Variants in SOAT1 observed in about 807,000 individuals in gnomAD.
SOAT1 encodes the protein acyl-coenzyme A:cholesterol acyltransferase 1.
A neutral mutation model predicts 69.5 loss-of-function variants in SOAT1; 55 were observed. That is an observed-to-expected ratio of 0.79 (90% CI 0.64 to 0.99). SOAT1 has a LOEUF of 0.99. Ranked by LOEUF, SOAT1 falls within the 50% of genes least tolerant of loss-of-function variation. The pLI, the probability that SOAT1 is intolerant of heterozygous loss-of-function variation, is 0.00. For synonymous variants in SOAT1, 231 were observed against 224.7 expected (o/e 1.03, Z -0.25); for missense variants, 580 against 669.3 (o/e 0.87, Z 1.47).
At chr1:179,301,755 A>G (rs899471515) in intron 1 of SOAT1, among the ~76,000 whole-genome samples, 2 of 152,208 alleles carry the variant, frequency 1.3e-5, no homozygotes, top group African/African-American at 2.4e-5. Context: ...TAGATACTTA[A>G]CAAAAACTTG....
chr1:179,310,130 C>T lies in SOAT1; in HGVS notation c.118+7328C>T, dbSNP rs965907839. On this transcript the variant is annotated intron_variant, in intron 2 of 15. Coordinates refer to ENST00000367619, the MANE Select transcript of SOAT1 (RefSeq NM_003101.6). ...AGCCAGGCTGGTCTCGAACTGCTGA[C>T]CTCAAGTGATCCACCCACCTCAGCC... Among the ~76,000 whole-genome samples the T allele has an allele frequency of 2.1e-4, 32 of 152,032 alleles. 1 individual carries two copies. Among genetic ancestry groups the T allele is most frequent in the Non-Finnish European group, 4.3e-4 (29 of 67,990 alleles).
At chr1:179,341,437 G>GTT in intron 7 of SOAT1, 127 bp downstream of exon 7, 1 of 936,396 alleles carries the variant, frequency 1.1e-6, no homozygotes, top group Non-Finnish European at 1.6e-6. Context: ...TTGTTCTTTT[G>GTT]CCATTATCTG....
intron 1 of SOAT1, among the ~76,000 whole-genome samples, chr1:179,297,382 G>A (rs1235134492): frequency 1.3e-5 from 2 of 152,056 alleles, no homozygotes; most frequent in Non-Finnish European, 2.9e-5. Flanking sequence ...TGTCACCCAG[G>A]CTGGAGTGCA....
At chr1:179,343,919 A>C (rs1410625324) in intron 10 of SOAT1, among the ~76,000 whole-genome samples, 1 of 152,122 alleles carries the variant, frequency 6.6e-6, no homozygotes, top group Non-Finnish European at 1.5e-5. Flanking sequence ...TCAGGAGTTC[A>C]AGACCAGCCT....
At chr1:179,346,840 TG>T (rs1666549066) in intron 11 of SOAT1, among the ~76,000 whole-genome samples, 1 of 151,966 alleles carries the variant, frequency 6.6e-6, no homozygotes, top group South Asian at 2.1e-4. Flanking sequence ...GAGGCTGAGG[TG>T]GGAGGATCAC....
At chr1:179,321,829 A>G (rs996651287) in intron 2 of SOAT1, among the ~76,000 whole-genome samples, 1 of 150,490 alleles carries the variant, frequency 6.6e-6, no homozygotes, top group Non-Finnish European at 1.5e-5. Context: ...TTTGTTTTCA[A>G]ATCTGTTTGG....
At position 179,348,239 on chromosome 1, in the gene SOAT1, T is replaced by C. The variant is rs1185954297; in HGVS notation, c.1215+542T>C. Among the ~76,000 whole-genome samples, 3 of 152,230 alleles carry C rather than the reference T, an allele frequency of 2.0e-5. No homozygotes were observed. In the East Asian group the frequency reaches 5.8e-4, roughly 29 times the overall value. On this transcript the variant is annotated intron_variant, in intron 12 of 15. Transcript: ENST00000367619. ...CTTTAACCCTACCTAAAGCTCTCTT[T>C]GAGTTGTTTTTGGCAACACTCCAAG...
Position 179,350,278 on chromosome 1 carries a change from GTTTTCC to G in SOAT1, c.1315-13_1315-8del, listed in dbSNP as rs747389041. On this transcript the variant is annotated splice_polypyrimidine_tract_variant and intron_variant, in intron 13 of 15. Coordinates refer to ENST00000367619, the MANE Select transcript of SOAT1 (RefSeq NM_003101.6). ...AAATTTTTAAAAATTACTTTGTAGT[GTTTTCC>G]TTTTTCTTTAGTTTTTCTCCAAGAG... The G allele has an allele frequency of 2.5e-6, 4 of 1,607,248 alleles. No homozygotes were observed. The highest frequency in any genetic ancestry group is 3.4e-6 in the Non-Finnish European group (4 of 1,177,398).
At chr1:179,310,533 A>G (rs1558039780) in intron 2 of SOAT1, among the ~76,000 whole-genome samples, 2 of 152,202 alleles carry the variant, frequency 1.3e-5, no homozygotes, top group African/African-American at 2.4e-5. Context: ...CAGTGGAGCA[A>G]TAGACGATTA....
At chr1:179,298,866 A>C (rs1664738988) in intron 1 of SOAT1, among the ~76,000 whole-genome samples, 1 of 152,222 alleles carries the variant, frequency 6.6e-6, no homozygotes, top group Non-Finnish European at 1.5e-5. Context: ...TAAAGTTGAA[A>C]AATTTTAAAT....
At chr1:179,301,930 T>C (rs1210572468) in intron 1 of SOAT1, among the ~76,000 whole-genome samples, 1 of 152,214 alleles carries the variant, frequency 6.6e-6, no homozygotes, top group Non-Finnish European at 1.5e-5. Flanking sequence ...ATCTCTGCTG[T>C]CTCTGAACTT....
chr1:179,346,497 G>A (rs969907693), intron 11 of SOAT1, among the ~76,000 whole-genome samples: 1 of 152,188 alleles, frequency 6.6e-6, no homozygotes, highest in Non-Finnish European at 1.5e-5. Flanking sequence ...GAGAATTGGT[G>A]GAAAGGTCAT....
At chr1:179,341,835 A>G (rs1186407258) in intron 7 of SOAT1, among the ~76,000 whole-genome samples, 4 of 152,164 alleles carry the variant, frequency 2.6e-5, no homozygotes, top group African/African-American at 7.2e-5. Context: ...GCCCGGCCAC[A>G]TTGAATTATT....
At position 179,357,823 on chromosome 1, in the gene SOAT1, G is replaced by C. The variant is rs1307009775; in HGVS notation, c.*4182G>C. ...GTGGGAAGATGGCTTCAAGCCGGGA[G>C]ATGGAGGCTTCAGTGACCTGTGACC... On this transcript the variant is annotated 3_prime_UTR_variant, in exon 16 of 16. Transcript: ENST00000367619. 2 of 152,262 alleles carry C rather than the reference G, an allele frequency of 1.3e-5. No homozygotes were observed. The highest frequency in any genetic ancestry group is 4.8e-5 in the African/African-American group (2 of 41,460). The allele number at this position is 152,262 out of a possible 1,614,324, so 9.4% of individuals were successfully genotyped here. A position where few individuals can be genotyped will look rare whatever the true frequency, so the allele number is the denominator to read the frequency against.
In SOAT1 at chr1:179,341,054, C is replaced by G; in HGVS notation, c.524C>G (p.Ser175Cys). The G allele has an allele frequency of 6.2e-7, 1 of 1,614,120 alleles. No homozygotes were observed. The change falls in exon 7 of 16, where the codon TCT becomes TGT. Residue 175 changes from serine (S) to cysteine (C), a missense_variant. Physicochemically the swap from Ser to Cys is moderately radical, Grantham distance 112. Transcript: ENST00000367619. Reference sequence around the variant, plus strand: ...CTGGTGCTTGAGTTCAGCCTCCTGTCTTATGCTTTTGGCAAATTTCCTACC... The same window carrying G: ...CTGGTGCTTGAGTTCAGCCTCCTGTGTTATGCTTTTGGCAAATTTCCTACC... ...GRLVLEFSLL[S>C]YAFGKFPTVV...
chr1:179,335,015 C>CAAAAA (rs10603546), intron 3 of SOAT1, among the ~76,000 whole-genome samples: 7 of 73,518 alleles, frequency 9.5e-5, no homozygotes, highest in Admixed American at 1.5e-4. Context: ...AACTCCATCT[C>CAAAAA]AAAAAAAAAA....
At chr1:179,312,459 TGA>T (rs1210672246) in intron 2 of SOAT1, among the ~76,000 whole-genome samples, 4 of 152,260 alleles carry the variant, frequency 2.6e-5, no homozygotes, top group Admixed American at 2.6e-4. Context: ...TCTTTAGCGA[TGA>T]AACCTTCGCT....
At position 179,335,615 on chromosome 1, in the gene SOAT1, C is replaced by A. The variant is rs1666119871; in HGVS notation, c.287C>A (p.Thr96Asn). 6.2e-7 allele frequency: 1 copy of A among 1,613,866 alleles called. No homozygotes were observed. Among genetic ancestry groups the A allele is most frequent in the South Asian group, 1.1e-5 (1 of 91,020 alleles). ...GATAATGGTGGGTGCGCTCTCACAA[C>A]CTTTTCTGTTCTTGAAGGAGAGAAA... ...SLDNGGCALT[T>N]FSVLEGEKNN... The change falls in exon 4 of 16, where the codon ACC becomes AAC. Residue 96 changes from threonine to asparagine, a missense_variant. By Grantham distance (65) the Thr-to-Asn change is moderately conservative. Transcript: ENST00000367619.
At chr1:179,319,304 G>A (rs1665512028) in intron 2 of SOAT1, among the ~76,000 whole-genome samples, 1 of 137,916 alleles carries the variant, frequency 7.3e-6, no homozygotes. Flanking sequence ...GAGTCTCGCT[G>A]TGTCACCCAG....
Sources: gnomAD v4.1 joint callset for allele counts (sites outside exome capture counted in the v4.1 genomes callset) on GRCh38, gnomAD v4.1.1 for gene constraint, MANE v1.5 for transcripts, NCBI Gene and HGNC (gene_info 2026-07-23, HGNC 2026-07-21) for gene names.